The following MELK variants were observed in gnomAD, a reference collection of about 807,000 sequenced individuals.
MELK encodes the protein pEg3 kinase.
A neutral mutation model predicts 85.0 loss-of-function variants in MELK; 81 were observed. The observed-to-expected ratio is 0.95, with a 90% CI of 0.80 to 1.15. The LOEUF is 1.15. MELK is among the 50% of genes most tolerant of loss of function. MELK has a pLI of 0.00. For missense variants in MELK, 754 were observed against 777.5 expected, an observed-to-expected ratio of 0.97 and a Z score of 0.36; for synonymous variants, 252 against 265.0, an observed-to-expected ratio of 0.95 and a Z score of 0.48.
At chr9:36,661,350 T>A (rs1220474890) in intron 13 of MELK, among the ~76,000 whole-genome samples, 1 of 152,200 alleles carries the variant, frequency 6.6e-6, no homozygotes, top group East Asian at 1.9e-4. Context: ...ATAGGGAGAT[T>A]TGAAGGTATA....
chr9:36,629,310 G>A, intron 8 of MELK, among the ~76,000 whole-genome samples: 1 of 152,136 alleles, frequency 6.6e-6, no homozygotes, highest in East Asian at 1.9e-4. Flanking sequence ...CTGTTGTATT[G>A]CTTCCTCTGA....
intron 3 of MELK, among the ~76,000 whole-genome samples, chr9:36,589,249 C>T (rs1270945455): frequency 6.6e-6 from 1 of 151,920 alleles, no homozygotes; most frequent in East Asian, 1.9e-4. Flanking sequence ...CCCGGATTCA[C>T]GCCATTCTCC....
At chr9:36,670,797 G>T (rs550890327) in intron 15 of MELK, among the ~76,000 whole-genome samples, 1 of 149,142 alleles carries the variant, frequency 6.7e-6, no homozygotes, top group South Asian at 2.1e-4. Context: ...TTGCTGAGTG[G>T]CAGTTGCCTG....
chr9:36,615,673 G>T (rs1826644227), intron 8 of MELK, among the ~76,000 whole-genome samples: 1 of 142,504 alleles, frequency 7.0e-6, no homozygotes, highest in South Asian at 2.3e-4. Context: ...TCACCTCCCA[G>T]ACGGGGTCTC....
intron 8 of MELK, among the ~76,000 whole-genome samples, chr9:36,626,825 G>A (rs1195571643): frequency 2.0e-5 from 3 of 151,822 alleles, no homozygotes; most frequent in South Asian, 2.1e-4. Flanking sequence ...TGGGGGTGGT[G>A]GCAGGCACCC....
At chr9:36,644,990 C>T (rs983949926) in intron 11 of MELK, among the ~76,000 whole-genome samples, 7 of 152,034 alleles carry the variant, frequency 4.6e-5, no homozygotes, top group Non-Finnish European at 7.4e-5. Context: ...ATACTTAAGC[C>T]GGGCGCGGTG....
intron 8 of MELK, among the ~76,000 whole-genome samples, chr9:36,619,386 T>C (rs1827178539): frequency 6.6e-6 from 1 of 152,200 alleles, no homozygotes; most frequent in African/African-American, 2.4e-5. Flanking sequence ...TCTGTGATGC[T>C]GAATAAGAAC....
At chr9:36,647,466 C>T (rs867404746) in intron 11 of MELK, among the ~76,000 whole-genome samples, 1 of 151,720 alleles carries the variant, frequency 6.6e-6, no homozygotes, top group Middle Eastern at 3.4e-3. Flanking sequence ...CTCCATGAAG[C>T]CTCTTCTTTT....
chr9:36,611,486 T>C (rs922262658), intron 8 of MELK, among the ~76,000 whole-genome samples: 3 of 152,182 alleles, frequency 2.0e-5, no homozygotes, highest in African/African-American at 7.2e-5. Context: ...CTAACCATAG[T>C]TGCACATTAG....
rs1587450314 is a variant in MELK, at chr9:36,616,612, A to T, written c.666+8939A>T. Among the ~76,000 whole-genome samples, 3 of 150,806 alleles carry T rather than the reference A, an allele frequency of 2.0e-5. No homozygotes were observed. In the South Asian group the frequency reaches 6.3e-4, roughly 32 times the overall value. Reference sequence around the variant, plus strand: ...ACCATGTTGGACAGGCTTGTCTCGAACTCCTGACCTTAGGTGATCAGCCTG... The same window carrying T: ...ACCATGTTGGACAGGCTTGTCTCGATCTCCTGACCTTAGGTGATCAGCCTG... On this transcript the variant is annotated intron_variant, in intron 8 of 17. Coordinates refer to ENST00000298048, the MANE Select transcript of MELK (RefSeq NM_014791.4).
intron 3 of MELK, among the ~76,000 whole-genome samples, chr9:36,584,613 G>C (rs76851378): frequency 2.6e-5 from 4 of 151,028 alleles, no homozygotes; most frequent in African/African-American, 9.7e-5. Flanking sequence ...GATTACAGGC[G>C]TGAGGCACCG....
At chr9:36,653,632 A>G (rs541762280) in intron 12 of MELK, among the ~76,000 whole-genome samples, 140 of 152,304 alleles carry the variant, frequency 9.2e-4, no homozygotes, top group Middle Eastern at 3.4e-3. Context: ...AGATTAATTC[A>G]GGTTGCAATG....
intron 11 of MELK, among the ~76,000 whole-genome samples, chr9:36,644,152 TG>T (rs1368514994): frequency 2.6e-5 from 4 of 152,052 alleles, no homozygotes; most frequent in Non-Finnish European, 5.9e-5. Flanking sequence ...TCATGATTTC[TG>T]GTGTTGGATT....
intron 4 of MELK, 118 bp from the exon 5 acceptor site, chr9:36,594,510 C>T: frequency 1.7e-6 from 2 of 1,168,450 alleles, no homozygotes; most frequent in Non-Finnish European, 2.4e-6. Context: ...TACTCGGTTC[C>T]ATTCCCTATA....
intron 8 of MELK, among the ~76,000 whole-genome samples, chr9:36,628,966 A>G (rs1024189170): frequency 1.3e-5 from 2 of 148,190 alleles, no homozygotes; most frequent in South Asian, 4.2e-4. Flanking sequence ...TCCTGAGTTC[A>G]AGCAGTTCTC....
intron 6 of MELK, among the ~76,000 whole-genome samples, chr9:36,598,726 T>C (rs900864365): frequency 6.6e-6 from 1 of 152,126 alleles, no homozygotes; most frequent in East Asian, 1.9e-4. Context: ...AGTAAATAAA[T>C]TTTTCCCCCC....
chr9:36,574,735 C>A (rs992311784), intron 1 of MELK, among the ~76,000 whole-genome samples: 4 of 152,174 alleles, frequency 2.6e-5, no homozygotes, highest in African/African-American at 9.7e-5. Flanking sequence ...AATAGAATAG[C>A]CCAAATAATA....
At chr9:36,591,133 G>A (rs1260962878) in intron 4 of MELK, among the ~76,000 whole-genome samples, 1 of 151,876 alleles carries the variant, frequency 6.6e-6, no homozygotes, top group Non-Finnish European at 1.5e-5. Context: ...GAATGTTTTG[G>A]ATCTAGAGCT....
intron 16 of MELK, among the ~76,000 whole-genome samples, chr9:36,674,144 A>G (rs1380428526): frequency 6.6e-6 from 1 of 152,234 alleles, no homozygotes; most frequent in Non-Finnish European, 1.5e-5. Context: ...ACTTACCAGG[A>G]AGGGAGGGAT....
Sources: allele counts gnomAD v4.1 joint callset (sites outside exome capture counted in the v4.1 genomes callset), GRCh38; gene constraint gnomAD v4.1.1; transcripts MANE v1.5; gene names NCBI Gene and HGNC (gene_info 2026-07-23, HGNC 2026-07-21).